The following GRIN2A variants were observed in gnomAD, a reference collection of about 807,000 sequenced individuals.
GRIN2A encodes glutamate receptor ionotropic, NMDA 2A.
A neutral mutation model predicts 113.4 loss-of-function variants in GRIN2A; 22 were observed. The ratio of observed to expected loss-of-function variants is 0.19; its 90% CI spans 0.14 to 0.28. GRIN2A has a LOEUF of 0.28. GRIN2A is among the 10% of genes least tolerant of loss of function. GRIN2A has a pLI of 1.00. For synonymous variants in GRIN2A, 827 were observed against 738.4 expected, an observed-to-expected ratio of 1.12 and a Z score of -1.94; for missense variants, 1,502 against 1,887.0, an observed-to-expected ratio of 0.80 and a Z score of 3.78.
At chr16:9,915,286 A>C (rs749003477) in intron 3 of GRIN2A, among the ~76,000 whole-genome samples, 9 of 152,000 alleles carry the variant, frequency 5.9e-5, no homozygotes, top group Non-Finnish European at 1.3e-4. Flanking sequence ...GCAATTTACA[A>C]GTCAGGGAAA....
intron 10 of GRIN2A, among the ~76,000 whole-genome samples, chr16:9,819,850 G>C: frequency 6.8e-6 from 1 of 146,476 alleles, no homozygotes; most frequent in Non-Finnish European, 1.5e-5. Context: ...GAACCTGGGA[G>C]GTGGAGGTTG....
rs1239554350 is a variant in GRIN2A at position 9,764,176 on chromosome 16, T to G, written c.3368A>C (p.Glu1123Ala). Residue 1123 changes from glutamate (E) to alanine (A), a missense_variant, in exon 13 of 13, where the codon GAG becomes GCG. Around this residue, in one of 7 missense-constraint regions of GRIN2A, gnomAD observed 832 missense variants for 789.7 expected, o/e 1.05. Coordinates refer to ENST00000330684, the MANE Select transcript of GRIN2A (RefSeq NM_001134407.3). ...PRDKIYTIDG[E>A]KEPGFHLDPP... ...ATCTAAGTGGAAACCAGGCTCCTTC[T>G]CACCATCTATAGTGTAGATCTTGTC... 3.7e-6 allele frequency: 6 copies of G among 1,613,538 alleles called. No individual in the cohort carries two copies. In the South Asian group the frequency reaches 6.6e-5, roughly 18 times the overall value.
chr16:9,757,657 A>T lies in GRIN2A; in HGVS notation c.*5492T>A. On this transcript the variant is annotated 3_prime_UTR_variant, in exon 13 of 13. Transcript: ENST00000330684. ...GGTCAATGTGCTTGGTTCTTCCTCAATGCATGATACATAGACCTCAATTAT... is the reference window on the plus strand; with the variant it reads ...GGTCAATGTGCTTGGTTCTTCCTCATTGCATGATACATAGACCTCAATTAT... 1 of 221,206 alleles carries T rather than the reference A, an allele frequency of 4.5e-6. No individual in the cohort carries two copies. The highest frequency in any genetic ancestry group is 9.1e-6 in the Non-Finnish European group (1 of 110,434). 13.7% of individuals were successfully genotyped at this position (221,206 alleles called of 1,614,324 possible).
chr16:9,798,943 T>A (rs11648283), intron 10 of GRIN2A, among the ~76,000 whole-genome samples: 50,421 of 152,150 alleles, frequency 0.33, 8,572 homozygotes, highest in African/African-American at 0.41. Flanking sequence ...GCAGAATTTT[T>A]AAAAATCCAA....
At chr16:10,160,371 G>A (rs1451575900) in intron 2 of GRIN2A, among the ~76,000 whole-genome samples, 3 of 152,206 alleles carry the variant, frequency 2.0e-5, no homozygotes, top group African/African-American at 7.2e-5. Context: ...CATGTGAACT[G>A]TGGATGGGTT....
At chr16:9,924,299 T>C (rs867620172) in intron 3 of GRIN2A, among the ~76,000 whole-genome samples, 8 of 152,212 alleles carry the variant, frequency 5.3e-5, no homozygotes, top group African/African-American at 1.4e-4. Context: ...CCAGTTATTC[T>C]ATTCTAAAAA....
intron 3 of GRIN2A, among the ~76,000 whole-genome samples, chr16:9,892,294 G>A (rs1284675869): frequency 6.6e-6 from 1 of 152,114 alleles, no homozygotes; most frequent in Non-Finnish European, 1.5e-5. Flanking sequence ...CATCAAAGAG[G>A]TAATAGATCA....
intron 2 of GRIN2A, among the ~76,000 whole-genome samples, chr16:10,147,995 A>G (rs2049481398): frequency 6.6e-6 from 1 of 152,150 alleles, no homozygotes; most frequent in Non-Finnish European, 1.5e-5. Context: ...CATCAGACAT[A>G]ATGGAGAATT....
chr16:9,843,662 T>C (rs1325486906), intron 5 of GRIN2A, among the ~76,000 whole-genome samples: 1 of 152,182 alleles, frequency 6.6e-6, no homozygotes, highest in East Asian at 1.9e-4. Flanking sequence ...TCTGCTTCTG[T>C]CAACCCAGAC....
In GRIN2A at chr16:9,798,366, A is replaced by T. The variant is rs760684996; in HGVS notation, c.2267T>A (p.Phe756Tyr). The T allele has an allele frequency of 6.2e-7, 1 of 1,614,000 alleles. No homozygotes were observed. Among genetic ancestry groups the T allele is most frequent in the Non-Finnish European group, 8.5e-7 (1 of 1,179,910 alleles). ...KLVTIGSGYIFATTGYGIALQ... is the reference protein window; with the variant it reads ...KLVTIGSGYIYATTGYGIALQ... ...GGCAATTCCATAACCGGTGGTGGCA[A>T]AGATGTACCCACTCCCGATGGTCAC... Residue 756 changes from phenylalanine to tyrosine, a missense_variant, in exon 11 of 13, where the codon TTT becomes TAT. Phe to Tyr is a conservative substitution (Grantham distance 22). Transcript: ENST00000330684.
At position 9,760,011 on chromosome 16, in the gene GRIN2A, A is replaced by G. The variant is rs955520778; in HGVS notation, c.*3138T>C. ...TGCATTCAAGTGTACCTATCTGAGG[A>G]CTAGTTGGGTCCTTCTCAAGTGGGG... is the stretch of plus-strand genomic sequence containing the variant. On this transcript the variant is annotated 3_prime_UTR_variant, in exon 13 of 13. Coordinates refer to ENST00000330684, the MANE Select transcript of GRIN2A (RefSeq NM_001134407.3). 2 of 230,980 alleles carry G rather than the reference A, an allele frequency of 8.7e-6. No homozygotes were observed. The highest frequency in any genetic ancestry group is 8.6e-6 in the Non-Finnish European group (1 of 116,594). The allele number at this position is 230,980 out of a possible 1,614,324, so 14.3% of individuals were successfully genotyped here. A position where few individuals can be genotyped will look rare whatever the true frequency, so the allele number is the denominator to read the frequency against.
In GRIN2A at chr16:10,111,438, C is replaced by T. The variant is rs567951437; in HGVS notation, c.414+68560G>A. On this transcript the variant is annotated intron_variant, in intron 2 of 12. Transcript: ENST00000330684. ...GCTACGTGCCCCAGGACTGGCTCAC[C>T]GTGCAGCAGCTCTTCCTCGGCGCCA... 5 of 565,282 alleles carry T rather than the reference C, an allele frequency of 8.8e-6. No individual in the cohort carries two copies. In the East Asian group the frequency reaches 1.3e-4, roughly 15 times the overall value. The allele number at this position is 565,282 out of a possible 1,614,324, so 35.0% of individuals were successfully genotyped here. A position where few individuals can be genotyped will look rare whatever the true frequency, so the allele number is the denominator to read the frequency against.
At chr16:9,939,771 T>C (rs2044817098) in intron 2 of GRIN2A, among the ~76,000 whole-genome samples, 1 of 152,158 alleles carries the variant, frequency 6.6e-6, no homozygotes, top group South Asian at 2.1e-4. Context: ...AAGATCTGTA[T>C]GGAACAGATG....
Position 9,920,635 on chromosome 16 carries a change from C to T in GRIN2A, c.1007+17324G>A, listed in dbSNP as rs193238277. ...AAGCTGGAGTGCAGTGACAAGATCTCGGCTCACTGCAACCTCGCCTCCCAG... is the reference window on the plus strand; with the variant it reads ...AAGCTGGAGTGCAGTGACAAGATCTTGGCTCACTGCAACCTCGCCTCCCAG... On this transcript the variant is annotated intron_variant, in intron 3 of 12. Coordinates refer to ENST00000330684, the MANE Select transcript of GRIN2A (RefSeq NM_001134407.3). 1.7e-3 allele frequency among the ~76,000 whole-genome samples: 258 copies of T among 150,414 alleles called. 3 individuals are homozygous for T. The highest frequency in any genetic ancestry group is 5.9e-3 in the African/African-American group (241 of 40,796).
Position 9,829,617 on chromosome 16 carries a change from T to A in GRIN2A, c.1813A>T (p.Ile605Leu). 1 of 1,613,916 alleles carries A rather than the reference T, an allele frequency of 6.2e-7. No homozygotes were observed. The highest frequency in any genetic ancestry group is 8.5e-7 in the Non-Finnish European group (1 of 1,179,842). ...HGPSFTIGKA[I>L]WLLWGLVFNN... The stretch of plus-strand genomic sequence containing the variant: ...AACACCAGGCCCCAAAGAAGCCATA[T>A]AGCTTTTCCAATTGTAAAAGAAGGC... Residue 605 changes from isoleucine (I) to leucine (L), a missense_variant, in exon 9 of 13, where the codon ATA becomes TTA. This residue lies in a region of GRIN2A where 82 missense variants were observed against 222.7 expected (regional missense o/e 0.37). Coordinates refer to ENST00000330684, the MANE Select transcript of GRIN2A (RefSeq NM_001134407.3).
chr16:9,988,308 T>TGA (rs1567219375), intron 2 of GRIN2A, among the ~76,000 whole-genome samples: 6 of 150,612 alleles, frequency 4.0e-5, no homozygotes, highest in East Asian at 1.9e-4. Flanking sequence ...TGTGTGTGTG[T>TGA]GACACAGAAA....
intron 3 of GRIN2A, among the ~76,000 whole-genome samples, chr16:9,891,763 C>A (rs2043698817): frequency 6.6e-6 from 1 of 152,066 alleles, no homozygotes; most frequent in African/African-American, 2.4e-5. Context: ...CACAAACAGG[C>A]AAAAGAGGCA....
intron 2 of GRIN2A, among the ~76,000 whole-genome samples, chr16:9,982,666 C>G (rs970429074): frequency 6.6e-6 from 1 of 152,122 alleles, no homozygotes; most frequent in Non-Finnish European, 1.5e-5. Context: ...ATTTCAATGC[C>G]CTGCAATTAG....
intron 2 of GRIN2A, among the ~76,000 whole-genome samples, chr16:10,064,960 C>T (rs1301296609): frequency 6.6e-6 from 1 of 152,158 alleles, no homozygotes; most frequent in Admixed American, 6.5e-5. Context: ...TGTCACCTAC[C>T]TAAGAAAATC....
Sources: gnomAD v4.1 joint callset for allele counts (sites outside exome capture counted in the v4.1 genomes callset) on GRCh38, gnomAD v4.1.1 for gene constraint, gnomAD v4.1.1 regional missense constraint, MANE v1.5 for transcripts, NCBI Gene and HGNC (gene_info 2026-07-23, HGNC 2026-07-21) for gene names.